Variants in GABBR2 observed in about 807,000 individuals in gnomAD.
The protein encoded by GABBR2 is G-protein coupled receptor 51.
GABBR2 carries 23 observed loss-of-function variants against 105.6 expected under a neutral mutation model. The ratio of observed to expected loss-of-function variants is 0.22; its 90% CI spans 0.16 to 0.31. GABBR2 has a LOEUF of 0.31. Among genes scored for constraint, GABBR2 ranks in the 10% least tolerant of loss-of-function variants. The probability of loss-of-function intolerance (pLI) is 1.00; values close to 1 mark genes in which losing one functional copy is unlikely to be tolerated. For synonymous variants in GABBR2, 478 were observed against 499.7 expected (o/e 0.96, Z 0.58); for missense variants, 734 against 1,245.5 (o/e 0.59, Z 6.18).
chr9:98,607,701 C>T (rs971672312), intron 1 of GABBR2: 2 of 759,432 alleles, frequency 2.6e-6, no homozygotes, highest in Admixed American at 3.8e-5. Context: ...TAAGAACACA[C>T]ATGCAGGACT....
In GABBR2 at chr9:98,385,632, T is replaced by G; in HGVS notation, c.1662+8A>C. 1 of 1,612,884 alleles carries G rather than the reference T, an allele frequency of 6.2e-7. No homozygotes were observed. On this transcript the variant is annotated splice_region_variant and intron_variant, in intron 11 of 18. Transcript: ENST00000259455. Reference sequence around the variant, plus strand: ...TCATATACCACTGGCTTATGCAGAATGACTTACGGTGCAAAGTGTTTCAAA... The same window carrying G: ...TCATATACCACTGGCTTATGCAGAAGGACTTACGGTGCAAAGTGTTTCAAA...
Position 98,306,704 on chromosome 9 carries a change from G to A in GABBR2, c.2005-359C>T. 1 of 305,558 alleles carries A rather than the reference G, an allele frequency of 3.3e-6. No homozygotes were observed. Among genetic ancestry groups the A allele is most frequent in the South Asian group, 3.9e-5 (1 of 25,848 alleles). The allele number at this position is 305,558 out of a possible 1,614,324, so 18.9% of individuals were successfully genotyped here. On this transcript the variant is annotated intron_variant, in intron 14 of 18. Coordinates refer to ENST00000259455, the MANE Select transcript of GABBR2 (RefSeq NM_005458.8). This position sits in a 1 kb window ranked among gnomAD's most constrained non-coding sequence, Gnocchi z 5.4. ...TACTAATATCCAGAAGGGTGAAGAG[G>A]TCTGCCCAAGGCCGCACAGCAATAT...
At chr9:98,437,692 A>T (rs1196661097) in intron 7 of GABBR2, among the ~76,000 whole-genome samples, 13 of 150,804 alleles carry the variant, frequency 8.6e-5, no homozygotes, top group Admixed American at 8.6e-4. Flanking sequence ...CTATTCACAT[A>T]ACTATCCATC....
chr9:98,475,117 G>A (rs1826762389), intron 5 of GABBR2, among the ~76,000 whole-genome samples: 1 of 152,096 alleles, frequency 6.6e-6, no homozygotes, highest in Admixed American at 6.5e-5. Context: ...CTCCTTCGAT[G>A]ATACAGGACC....
rs146956497 is a variant in GABBR2, at chr9:98,503,799, G to A, written c.631-7285C>T. 2.5e-3 allele frequency among the ~76,000 whole-genome samples: 379 copies of A among 152,222 alleles called. 2 individuals are homozygous for A. The highest frequency in any genetic ancestry group is 8.3e-3 in the African/African-American group (343 of 41,534). ...GGTTAGGATGCTGGCTGGGGCTGCC[G>A]TCACCTAAAGACTTTGGGACTACAT... On this transcript the variant is annotated intron_variant, in intron 3 of 18. Coordinates refer to ENST00000259455, the MANE Select transcript of GABBR2 (RefSeq NM_005458.8).
At position 98,303,257 on chromosome 9, in the gene GABBR2, C is replaced by T. The variant is rs1157758873; in HGVS notation, c.2396G>A (p.Arg799Gln). The T allele has an allele frequency of 4.3e-6, 7 of 1,614,116 alleles. No individual in the cohort carries two copies. Among genetic ancestry groups the T allele is most frequent in the South Asian group, 1.1e-5 (1 of 91,066 alleles). ...GGGAGGTACCTCTGTGATCTTCATT[C>T]GCAGGCGATGGTTTTCTGACTGTAG... ...EGLQSENHRL[R>Q]MKITELDKDL... is the part of the protein sequence containing the mutation. Residue 799 changes from arginine (R) to glutamine (Q), a missense_variant, in exon 16 of 19, where the codon CGA (arginine) becomes CAA (glutamine). By Grantham distance (43) the Arg-to-Gln change is conservative. Around this residue, in one of 7 missense-constraint regions of GABBR2, gnomAD observed 91 missense variants for 185.9 expected, o/e 0.49. Coordinates refer to ENST00000259455, the MANE Select transcript of GABBR2 (RefSeq NM_005458.8).
intron 3 of GABBR2, among the ~76,000 whole-genome samples, chr9:98,515,757 A>C (rs1827745133): frequency 6.7e-6 from 1 of 149,362 alleles, no homozygotes; most frequent in East Asian, 2.4e-4. Context: ...CACAGGCGAC[A>C]CACCAGGATT....
At chr9:98,440,291 C>G (rs750557634) in intron 7 of GABBR2, among the ~76,000 whole-genome samples, 1 of 152,202 alleles carries the variant, frequency 6.6e-6, no homozygotes, top group Non-Finnish European at 1.5e-5. Flanking sequence ...TGTCCCATCT[C>G]TATTTACAAG....
chr9:98,358,119 C>T (rs1388051460), intron 13 of GABBR2, among the ~76,000 whole-genome samples: 1 of 152,164 alleles, frequency 6.6e-6, no homozygotes, highest in East Asian at 1.9e-4. Context: ...TTCCTGTGGG[C>T]CATTTAGGAT....
chr9:98,363,135 G>A (rs903020030), intron 12 of GABBR2, among the ~76,000 whole-genome samples: 1 of 152,154 alleles, frequency 6.6e-6, no homozygotes, highest in Non-Finnish European at 1.5e-5. Context: ...GTAGGTGCTA[G>A]TTCTTTTGTC....
chr9:98,404,361 C>T (rs547690089), intron 8 of GABBR2, among the ~76,000 whole-genome samples: 2 of 152,274 alleles, frequency 1.3e-5, no homozygotes, highest in South Asian at 2.1e-4. Flanking sequence ...CACAGAAAGA[C>T]GAATGGGTAT....
chr9:98,645,787 A>G (rs1338530021), intron 1 of GABBR2, among the ~76,000 whole-genome samples: 1 of 152,208 alleles, frequency 6.6e-6, no homozygotes, highest in Non-Finnish European at 1.5e-5. Context: ...AATAATAATA[A>G]TAACAGCAGC....
chr9:98,470,575 G>A (rs1826653530), intron 6 of GABBR2, among the ~76,000 whole-genome samples: 1 of 151,950 alleles, frequency 6.6e-6, no homozygotes, highest in Non-Finnish European at 1.5e-5. Context: ...ATTTGGGTGG[G>A]GACGCAGAGC....
At chr9:98,657,520 T>A (rs1830199105) in intron 1 of GABBR2, among the ~76,000 whole-genome samples, 1 of 152,196 alleles carries the variant, frequency 6.6e-6, no homozygotes, top group Non-Finnish European at 1.5e-5. Flanking sequence ...GAAGGGACCC[T>A]GTTTTAGCGG....
intron 13 of GABBR2, among the ~76,000 whole-genome samples, chr9:98,340,981 A>C (rs959306767): frequency 5.9e-5 from 9 of 152,272 alleles, no homozygotes; most frequent in African/African-American, 2.2e-4. Context: ...TCTAGCAAAC[A>C]GCTCATGCCC....
intron 3 of GABBR2, among the ~76,000 whole-genome samples, chr9:98,502,587 T>C (rs1329706757): frequency 6.6e-6 from 1 of 152,072 alleles, no homozygotes; most frequent in African/African-American, 2.4e-5. Context: ...CCCCTGCAAC[T>C]CCCTGCTACC....
At chr9:98,616,723 C>T (rs552599757) in intron 1 of GABBR2, among the ~76,000 whole-genome samples, 2 of 147,510 alleles carry the variant, frequency 1.4e-5, no homozygotes, top group African/African-American at 5.1e-5. Context: ...CACTGCACTC[C>T]AGTCTGAGTG....
chr9:98,324,608 A>G (rs1376065566), intron 13 of GABBR2, among the ~76,000 whole-genome samples: 1 of 151,946 alleles, frequency 6.6e-6, no homozygotes, highest in East Asian at 1.9e-4. Context: ...AGGCGAGTGC[A>G]CTGGGAGCCA....
chr9:98,663,818 T>A (rs760988260), intron 1 of GABBR2, among the ~76,000 whole-genome samples: 1 of 152,182 alleles, frequency 6.6e-6, no homozygotes, highest in Non-Finnish European at 1.5e-5. Flanking sequence ...TCCCTCTGTC[T>A]TTCTCCAGAG....
Sources: gnomAD v4.1 joint callset for allele counts (sites outside exome capture counted in the v4.1 genomes callset) on GRCh38, gnomAD v4.1.1 for gene constraint, gnomAD v4.1.1 regional missense constraint, Gnocchi (gnomAD v3.1) non-coding constraint, MANE v1.5 for transcripts, NCBI Gene and HGNC (gene_info 2026-07-23, HGNC 2026-07-21) for gene names.